Variants in KIDINS220 observed in about 807,000 individuals in gnomAD.
The protein encoded by KIDINS220 is kinase D-interacting substrate of 220 kDa.
Under a neutral mutation model 157.6 loss-of-function variants are expected in KIDINS220, and 63 were observed. That is an observed-to-expected ratio of 0.40 (90% CI 0.33 to 0.49). The LOEUF (loss-of-function observed/expected upper bound fraction) is 0.49. KIDINS220 is among the 20% of genes least tolerant of loss of function. The pLI is 0.66. For missense variants in KIDINS220, 1,772 were observed against 2,171.2 expected (o/e 0.82, Z 3.65); for synonymous variants, 732 against 783.6 (o/e 0.93, Z 1.10).
intron 22 of KIDINS220, chr2:8,757,674 C>T (rs1456383102): frequency 6.2e-7 from 1 of 1,612,334 alleles, no homozygotes; most frequent in Non-Finnish European, 8.5e-7. Context: ...CCATGTCCTG[C>T]TTATTTGCAA....
chr2:8,785,622 A>T, intron 17 of KIDINS220, 119 bp downstream of exon 17: 2 of 879,794 alleles, frequency 2.3e-6, no homozygotes, highest in Non-Finnish European at 3.5e-6. Context: ...TGAACAAATT[A>T]AACTAAAATA....
chr2:8,805,965 G>A (rs924213890), intron 7 of KIDINS220, among the ~76,000 whole-genome samples: 1 of 152,114 alleles, frequency 6.6e-6, no homozygotes, highest in African/African-American at 2.4e-5. Context: ...TTCTTAGAAC[G>A]TATCCCTGTC....
At chr2:8,827,812 T>C (rs1018285575) in intron 1 of KIDINS220, among the ~76,000 whole-genome samples, 6 of 152,236 alleles carry the variant, frequency 3.9e-5, no homozygotes, top group African/African-American at 1.4e-4. Flanking sequence ...ATATAATTTG[T>C]CAATTAAAAT....
At chr2:8,786,487 C>A in intron 15 of KIDINS220, 130 bp from the exon 16 acceptor site, 1 of 769,322 alleles carries the variant, frequency 1.3e-6, no homozygotes, top group Non-Finnish European at 2.1e-6. Context: ...TTTTTAAATT[C>A]CAAGGAGGGA....
chr2:8,747,513 T>G (rs1666751828), intron 25 of KIDINS220: 2 of 444,398 alleles, frequency 4.5e-6, no homozygotes, highest in East Asian at 8.5e-5. Flanking sequence ...CATCCTCTAT[T>G]TTTTATATCA....
chr2:8,803,183 T>G, intron 7 of KIDINS220, 56 bp from the exon 8 acceptor site: 1 of 1,338,708 alleles, frequency 7.5e-7, no homozygotes, highest in Non-Finnish European at 1.0e-6. Context: ...AATTAATGTA[T>G]TCTAGAAAAT....
At chr2:8,833,013 T>A (rs1468576326) in intron 1 of KIDINS220, among the ~76,000 whole-genome samples, 1 of 152,194 alleles carries the variant, frequency 6.6e-6, no homozygotes, top group African/African-American at 2.4e-5. Flanking sequence ...ATCCATCACC[T>A]CAAACTTTTC....
At chr2:8,803,436 T>C (rs1675006961) in intron 7 of KIDINS220, among the ~76,000 whole-genome samples, 1 of 152,146 alleles carries the variant, frequency 6.6e-6, no homozygotes, top group African/African-American at 2.4e-5. Flanking sequence ...TAATGAAGGA[T>C]AAAATAGTTG....
rs781374170 is a variant in KIDINS220, at chr2:8,730,835, T to C, written c.5201A>G (p.His1734Arg). 5 of 1,614,256 alleles carry C rather than the reference T, an allele frequency of 3.1e-6. No homozygotes were observed. In the South Asian group the frequency reaches 4.4e-5, roughly 14 times the overall value. ...IQNENLKSMT[H>R]KRSQRSSYTR... The stretch of plus-strand genomic sequence containing the variant: ...GTAACTTGAACGTTGGCTTCGCTTA[T>C]GTGTCATGCTTTTTAGATTCTCATT... The change falls in exon 30 of 30, where the codon CAT (histidine) becomes CGT (arginine). Residue 1734 changes from histidine to arginine, a missense_variant. This residue lies in a region of KIDINS220 where 793 missense variants were observed against 885.5 expected (regional missense o/e 0.90). Transcript: ENST00000256707.
chr2:8,789,411 C>G (rs1672876071), intron 14 of KIDINS220, among the ~76,000 whole-genome samples: 1 of 150,664 alleles, frequency 6.6e-6, no homozygotes, highest in South Asian at 2.1e-4. Flanking sequence ...CCTCAGCCTC[C>G]CGAGTAGCTG....
At chr2:8,798,129 C>T (rs1282844087) in intron 10 of KIDINS220, 73 bp downstream of exon 10, 10 of 841,966 alleles carry the variant, frequency 1.2e-5, no homozygotes, top group East Asian at 5.0e-5. Context: ...CAAACAAAGA[C>T]GACTGAAATA....
chr2:8,756,815 G>A (rs1185803921), intron 22 of KIDINS220, among the ~76,000 whole-genome samples: 3 of 152,188 alleles, frequency 2.0e-5, no homozygotes, highest in East Asian at 3.8e-4. Flanking sequence ...CATACTGGGG[G>A]TTTGGGCTTC....
chr2:8,806,419 A>G, intron 6 of KIDINS220, 50 bp from the exon 7 acceptor site: 1 of 1,125,444 alleles, frequency 8.9e-7, no homozygotes, highest in Non-Finnish European at 1.3e-6. Context: ...GTATACTCAA[A>G]GAAACTAGCT....
chr2:8,742,799 CAA>C (rs1665806350), intron 26 of KIDINS220, among the ~76,000 whole-genome samples: 1 of 151,702 alleles, frequency 6.6e-6, no homozygotes, highest in South Asian at 2.1e-4. Flanking sequence ...CTCTTACACT[CAA>C]TAAATATTCG....
intron 17 of KIDINS220, among the ~76,000 whole-genome samples, chr2:8,783,346 G>C (rs1480322030): frequency 6.6e-6 from 1 of 152,176 alleles, no homozygotes; most frequent in Non-Finnish European, 1.5e-5. Flanking sequence ...ACTTGATAAA[G>C]AGTATCTGTA....
At chr2:8,836,252 T>C (rs1225073168) in intron 1 of KIDINS220, among the ~76,000 whole-genome samples, 1 of 151,494 alleles carries the variant, frequency 6.6e-6, no homozygotes, top group Non-Finnish European at 1.5e-5. Flanking sequence ...CTACTTAAGT[T>C]ATGCCTCCTC....
chr2:8,834,649 G>C (rs912911225), intron 1 of KIDINS220, among the ~76,000 whole-genome samples: 1 of 152,030 alleles, frequency 6.6e-6, no homozygotes, highest in African/African-American at 2.4e-5. Context: ...CAGCACTTAA[G>C]AGAAGTGCCT....
chr2:8,807,786 C>T (rs753159206), intron 6 of KIDINS220, among the ~76,000 whole-genome samples: 1 of 152,100 alleles, frequency 6.6e-6, no homozygotes, highest in Non-Finnish European at 1.5e-5. Flanking sequence ...AAAGCAGCTG[C>T]CACAGCCACC....
downstream of KIDINS220, chr2:8,721,507 T>C (rs1443630173): frequency 6.6e-6 from 1 of 152,232 alleles, no homozygotes; most frequent in African/African-American, 2.4e-5. Context: ...CACATGGCTA[T>C]AGATTTTTAA....
Sources: allele counts gnomAD v4.1 joint callset (sites outside exome capture counted in the v4.1 genomes callset), GRCh38; gene constraint gnomAD v4.1.1; regional missense constraint gnomAD v4.1.1; transcripts MANE v1.5; gene names NCBI Gene and HGNC (gene_info 2026-07-23, HGNC 2026-07-21).